Variants in FRK observed in about 807,000 individuals in gnomAD.
FRK encodes the protein tyrosine-protein kinase FRK.
A neutral mutation model predicts 56.4 loss-of-function variants in FRK; 51 were observed. The observed-to-expected ratio is 0.90, with a 90% confidence interval of 0.72 to 1.14. FRK has a LOEUF of 1.14. FRK is among the 50% of genes most tolerant of loss of function. FRK has a pLI of 0.00. For synonymous variants in FRK, 245 were observed against 217.9 expected (o/e 1.12, Z -1.10); for missense variants, 570 against 601.4 (o/e 0.95, Z 0.55).
chr6:116,078,704 C>T, the FRK span, among the ~76,000 whole-genome samples: 1 of 152,182 alleles, frequency 6.6e-6, no homozygotes, highest in Non-Finnish European at 1.5e-5. Flanking sequence ...ACATTATTGA[C>T]ACACTAAAAG....
chr6:116,035,142 G>A (rs1776428512), intron 1 of FRK, among the ~76,000 whole-genome samples: 1 of 151,996 alleles, frequency 6.6e-6, no homozygotes, highest in Non-Finnish European at 1.5e-5. Flanking sequence ...CTTTTTCAGA[G>A]TTTTGCTATA....
intron 2 of FRK, among the ~76,000 whole-genome samples, chr6:116,002,966 C>G (rs189681202): frequency 6.6e-6 from 1 of 152,158 alleles, no homozygotes; most frequent in African/African-American, 2.4e-5. Context: ...TGCTTTCATG[C>G]GGCATCATGA....
At chr6:116,083,518 G>T in the FRK span, among the ~76,000 whole-genome samples, 45 of 152,274 alleles carry the variant, frequency 3.0e-4, no homozygotes, top group South Asian at 8.1e-3. Flanking sequence ...TGAAGGGTTA[G>T]CTTTACCTAA....
intron 1 of FRK, among the ~76,000 whole-genome samples, chr6:116,022,775 C>A (rs1174386737): frequency 6.6e-6 from 1 of 152,012 alleles, no homozygotes; most frequent in African/African-American, 2.4e-5. Context: ...ACAAAGTCTG[C>A]AGTTAGATTC....
chr6:116,086,229 G>A, the FRK span, among the ~76,000 whole-genome samples: 1 of 151,594 alleles, frequency 6.6e-6, no homozygotes, highest in African/African-American at 2.4e-5. Flanking sequence ...AAGTCGCAGG[G>A]GACAAAAAGT....
At chr6:116,036,458 G>A (rs1776483806) in intron 1 of FRK, among the ~76,000 whole-genome samples, 1 of 152,074 alleles carries the variant, frequency 6.6e-6, no homozygotes, top group Non-Finnish European at 1.5e-5. Flanking sequence ...ATTGATAACA[G>A]AAAACATGAG....
intron 2 of FRK, among the ~76,000 whole-genome samples, chr6:115,996,428 C>T (rs971943880): frequency 6.6e-6 from 1 of 152,144 alleles, no homozygotes; most frequent in African/African-American, 2.4e-5. Context: ...AGGACGAACT[C>T]TGTGCCTGGC....
chr6:116,085,238 G>A, the FRK span, among the ~76,000 whole-genome samples: 1 of 152,088 alleles, frequency 6.6e-6, no homozygotes, highest in Non-Finnish European at 1.5e-5. Flanking sequence ...GGAGTTGAGG[G>A]ATGACTAGGA....
intron 2 of FRK, among the ~76,000 whole-genome samples, chr6:115,980,388 A>C (rs927659719): frequency 1.3e-5 from 2 of 152,122 alleles, no homozygotes; most frequent in African/African-American, 4.8e-5. Flanking sequence ...ATACAAAATT[A>C]AGAGAATATC....
At chr6:116,083,296 A>C in the FRK span, among the ~76,000 whole-genome samples, 1 of 152,226 alleles carries the variant, frequency 6.6e-6, no homozygotes, top group Non-Finnish European at 1.5e-5. Flanking sequence ...GATTGCAAAC[A>C]GTGAGACAAA....
intron 1 of FRK, among the ~76,000 whole-genome samples, chr6:116,037,217 A>T (rs1366327911): frequency 6.6e-6 from 1 of 152,170 alleles, no homozygotes; most frequent in Non-Finnish European, 1.5e-5. Context: ...TTATATTACT[A>T]TTAAGTTGCT....
At chr6:115,959,788 T>C (rs1466897701) in intron 4 of FRK, among the ~76,000 whole-genome samples, 1 of 152,180 alleles carries the variant, frequency 6.6e-6, no homozygotes, top group Non-Finnish European at 1.5e-5. Flanking sequence ...GATGAGAAGA[T>C]TCCAAAAGGT....
At chr6:115,949,058 A>G (rs2114529878) in intron 5 of FRK, among the ~76,000 whole-genome samples, 1 of 152,250 alleles carries the variant, frequency 6.6e-6, no homozygotes, top group African/African-American at 2.4e-5. Context: ...TGCAAAAGGG[A>G]GTTTGCTCAT....
chr6:115,994,854 G>A (rs904488175), intron 2 of FRK, among the ~76,000 whole-genome samples: 3 of 152,064 alleles, frequency 2.0e-5, no homozygotes, highest in African/African-American at 7.2e-5. Context: ...TGCAAACCAG[G>A]AAGAAAGCCC....
At chr6:115,983,481 C>G (rs144014809) in intron 2 of FRK, among the ~76,000 whole-genome samples, 1 of 152,128 alleles carries the variant, frequency 6.6e-6, no homozygotes, top group Admixed American at 6.5e-5. Flanking sequence ...TACTAGGTTG[C>G]GCATTACCTT....
rs1772190856 is a variant in FRK, at chr6:115,941,679, GATA to G, written c.*732_*734del. The G allele has an allele frequency of 6.6e-6, 1 of 151,944 alleles. No homozygotes were observed. Among genetic ancestry groups the G allele is most frequent in the Non-Finnish European group, 1.5e-5 (1 of 67,982 alleles). 9.4% of individuals were successfully genotyped at this position (151,944 alleles called of 1,614,324 possible). ...ATTAGACATTTCTCACATTTCCATA[GATA>G]ATAACTCATCCGTTTTGCAACCTGA... On this transcript the variant is annotated 3_prime_UTR_variant, in exon 8 of 8. Transcript: ENST00000606080.
rs1771977262 is a variant in FRK, at chr6:115,932,677, G to A, written c.*9737C>T. ...GGTTCAGAAATCATATGCTCAACCA[G>A]ACCATGAAAAAAGTGATTGTAGGTA... On this transcript the variant is annotated 3_prime_UTR_variant, in exon 8 of 8. Transcript: ENST00000606080. The A allele has an allele frequency of 6.6e-6, 1 of 152,180 alleles. No homozygotes were observed. The highest frequency in any genetic ancestry group is 1.5e-5 in the Non-Finnish European group (1 of 68,032). The allele number at this position is 152,180 out of a possible 1,614,324, so 9.4% of individuals were successfully genotyped here.
rs185603362 is a variant in FRK at position 116,029,876 on chromosome 6, C to T, written c.345-25878G>A. Among the ~76,000 whole-genome samples, 554 of 152,194 alleles carry T rather than the reference C, an allele frequency of 3.6e-3. 2 individuals are homozygous for T. Among genetic ancestry groups the T allele is most frequent in the Middle Eastern group, 6.8e-3 (2 of 294 alleles). Reference sequence around the variant, plus strand: ...ATACTCTGATATTGTGCCCTTAATCCCTTTTTTAACCTGATTTTTAAGGAA... The same window carrying T: ...ATACTCTGATATTGTGCCCTTAATCTCTTTTTTAACCTGATTTTTAAGGAA... On this transcript the variant is annotated intron_variant, in intron 1 of 7. Transcript: ENST00000606080.
intron 5 of FRK, among the ~76,000 whole-genome samples, chr6:115,954,206 T>C (rs1582641802): frequency 6.6e-6 from 1 of 151,936 alleles, no homozygotes; most frequent in Non-Finnish European, 1.5e-5. Flanking sequence ...GTAGGACAAA[T>C]AGTAAAGAGG....
Sources: allele counts gnomAD v4.1 joint callset (sites outside exome capture counted in the v4.1 genomes callset), GRCh38; gene constraint gnomAD v4.1.1; transcripts MANE v1.5; gene names NCBI Gene and HGNC (gene_info 2026-07-23, HGNC 2026-07-21).